VSNL1: variants seen among roughly 807,000 people sequenced by gnomAD.
VSNL1 encodes visinin-like protein 1.
A neutral mutation model predicts 20.4 loss-of-function variants in VSNL1; 6 were observed. The observed-to-expected ratio is 0.29, with a 90% CI of 0.16 to 0.58. VSNL1 has a LOEUF of 0.58. Ranked by LOEUF, VSNL1 falls within the 20% of genes least tolerant of loss-of-function variation. VSNL1 has a pLI of 0.90. For synonymous variants in VSNL1, 93 were observed against 86.4 expected (o/e 1.08, Z -0.42); for missense variants, 100 against 234.5 (o/e 0.43, Z 3.75).
chr2:17,563,392 T>G (rs1270485177), intron 1 of VSNL1, among the ~76,000 whole-genome samples: 2 of 152,176 alleles, frequency 1.3e-5, no homozygotes, highest in Non-Finnish European at 2.9e-5. Flanking sequence ...TGTTTAGCTA[T>G]GTGTGGCATC....
At chr2:17,617,497 A>C (rs943925520) in intron 2 of VSNL1, among the ~76,000 whole-genome samples, 11 of 131,854 alleles carry the variant, frequency 8.3e-5, no homozygotes, top group Non-Finnish European at 1.2e-4. Context: ...CTCTGTCTTA[A>C]AAAAAAAAAA....
At chr2:17,571,149 T>C (rs1000006256) in intron 1 of VSNL1, among the ~76,000 whole-genome samples, 2 of 152,188 alleles carry the variant, frequency 1.3e-5, no homozygotes, top group African/African-American at 2.4e-5. Flanking sequence ...AGACTTATGA[T>C]CTAAAAATAT....
At chr2:17,565,637 A>T (rs925975025) in intron 1 of VSNL1, among the ~76,000 whole-genome samples, 1 of 152,236 alleles carries the variant, frequency 6.6e-6, no homozygotes, top group Non-Finnish European at 1.5e-5. Flanking sequence ...ACAACAACAG[A>T]GAAAGAAAAA....
At chr2:17,593,179 C>G (rs1664633424) in intron 2 of VSNL1, among the ~76,000 whole-genome samples, 1 of 152,080 alleles carries the variant, frequency 6.6e-6, no homozygotes, top group East Asian at 1.9e-4. Flanking sequence ...TTTCTATAAC[C>G]TATGATCCAG....
At chr2:17,594,766 T>C (rs1664675124) in intron 2 of VSNL1, among the ~76,000 whole-genome samples, 1 of 152,320 alleles carries the variant, frequency 6.6e-6, no homozygotes, top group Admixed American at 6.5e-5. Flanking sequence ...AAAAAACAAG[T>C]TCTGATGAGT....
chr2:17,612,615 A>G (rs1273568745), intron 2 of VSNL1, among the ~76,000 whole-genome samples: 5 of 152,178 alleles, frequency 3.3e-5, no homozygotes, highest in Non-Finnish European at 7.3e-5. Flanking sequence ...AGGAGTATGC[A>G]TTTTTGATTC....
At chr2:17,602,130 A>G (rs905884452) in intron 2 of VSNL1, among the ~76,000 whole-genome samples, 1 of 152,150 alleles carries the variant, frequency 6.6e-6, no homozygotes, top group Non-Finnish European at 1.5e-5. Context: ...TGAATGACCA[A>G]CTCACCTAGG....
At chr2:17,587,296 A>G (rs185179204) in intron 1 of VSNL1, among the ~76,000 whole-genome samples, 235 of 147,380 alleles carry the variant, frequency 1.6e-3, no homozygotes, top group African/African-American at 5.5e-3. Flanking sequence ...AGACCCTGGT[A>G]TGTTCTGGAA....
At chr2:17,543,572 G>C (rs1572321282) in intron 1 of VSNL1, among the ~76,000 whole-genome samples, 1 of 152,322 alleles carries the variant, frequency 6.6e-6, no homozygotes, top group East Asian at 1.9e-4. Context: ...AAATCCTCCA[G>C]ATAAAGCCAC....
chr2:17,617,629 G>C (rs902926089), intron 2 of VSNL1, among the ~76,000 whole-genome samples: 1 of 152,090 alleles, frequency 6.6e-6, no homozygotes, highest in African/African-American at 2.4e-5. Context: ...CAGCAGAAGT[G>C]CCCCAGCCAG....
chr2:17,641,167 G>A (rs897456166), intron 2 of VSNL1, among the ~76,000 whole-genome samples: 51 of 152,328 alleles, frequency 3.3e-4, no homozygotes, highest in African/African-American at 1.2e-3. Flanking sequence ...AATGAGAATC[G>A]ATCTTGGATA....
intron 2 of VSNL1, among the ~76,000 whole-genome samples, chr2:17,608,010 G>C (rs1284891941): frequency 6.6e-6 from 1 of 152,192 alleles, no homozygotes; most frequent in East Asian, 1.9e-4. Flanking sequence ...CAGCAAAAGA[G>C]AGTTGTCAAT....
chr2:17,648,994 C>T (rs547561897), intron 2 of VSNL1, among the ~76,000 whole-genome samples: 4 of 152,316 alleles, frequency 2.6e-5, no homozygotes, highest in Admixed American at 1.3e-4. Context: ...CCCTACTGGG[C>T]AGCGATGAAG....
intron 2 of VSNL1, among the ~76,000 whole-genome samples, chr2:17,603,494 G>A (rs112091973): frequency 9.4e-4 from 143 of 152,272 alleles, no homozygotes; most frequent in Non-Finnish European, 1.8e-3. Flanking sequence ...AATGTTGCAG[G>A]GGACACAAAC....
At chr2:17,601,764 G>A (rs188058285) in intron 2 of VSNL1, among the ~76,000 whole-genome samples, 2 of 152,102 alleles carry the variant, frequency 1.3e-5, no homozygotes, top group East Asian at 1.9e-4. Flanking sequence ...GAGAAACCCC[G>A]TCTCTACTAG....
At chr2:17,599,484 C>G (rs1451540629) in intron 2 of VSNL1, among the ~76,000 whole-genome samples, 1 of 152,174 alleles carries the variant, frequency 6.6e-6, no homozygotes, top group African/African-American at 2.4e-5. Context: ...CAAAAATAAT[C>G]AAAAACGTCT....
intron 1 of VSNL1, among the ~76,000 whole-genome samples, chr2:17,553,685 C>A (rs1303040329): frequency 7.9e-5 from 12 of 152,176 alleles, no homozygotes; most frequent in Admixed American, 7.9e-4. Context: ...AATTCTAATT[C>A]CACTACTTAA....
intron 1 of VSNL1, among the ~76,000 whole-genome samples, chr2:17,543,946 T>C (rs1399563656): frequency 6.6e-6 from 1 of 152,176 alleles, no homozygotes; most frequent in African/African-American, 2.4e-5. Context: ...CTAAATATAG[T>C]CTGGGCCTTC....
intron 1 of VSNL1, among the ~76,000 whole-genome samples, chr2:17,568,229 G>A (rs752477229): frequency 3.3e-5 from 5 of 151,600 alleles, no homozygotes; most frequent in African/African-American, 9.7e-5. Context: ...TACCTATTTT[G>A]TTACCTTTTT....
Sources: gnomAD v4.1 joint callset for allele counts (sites outside exome capture counted in the v4.1 genomes callset) on GRCh38, gnomAD v4.1.1 for gene constraint, MANE v1.5 for transcripts, NCBI Gene and HGNC (gene_info 2026-07-23, HGNC 2026-07-21) for gene names.